PARVB: variants seen among roughly 807,000 people sequenced by gnomAD.
The protein encoded by PARVB is parvin beta, also known as beta-parvin.
PARVB carries 46 observed loss-of-function variants against 47.0 expected under a neutral mutation model. That is an observed-to-expected ratio of 0.98 (90% CI 0.77 to 1.25). The LOEUF (loss-of-function observed/expected upper bound fraction) is 1.25, where lower values mean the gene tolerates loss of function less well. PARVB is among the 50% of genes most tolerant of loss of function. PARVB has a pLI of 0.00. For missense variants in PARVB, 473 were observed against 471.6 expected, an observed-to-expected ratio of 1.00 and a Z score of -0.03; for synonymous variants, 196 against 196.3, an observed-to-expected ratio of 1.00 and a Z score of 0.01.
chr22:44,063,522 T>G (rs1410115167), intron 1 of PARVB, among the ~76,000 whole-genome samples: 2 of 152,166 alleles, frequency 1.3e-5, no homozygotes, highest in Non-Finnish European at 2.9e-5. Context: ...CCACCGCGCC[T>G]GGCCCAATAT....
intron 1 of PARVB, among the ~76,000 whole-genome samples, chr22:44,061,327 A>G (rs182609359): frequency 6.6e-6 from 1 of 152,182 alleles, no homozygotes; most frequent in African/African-American, 2.4e-5. Flanking sequence ...CCTATTCAGG[A>G]GGCTGAGGCT....
At chr22:44,066,554 G>A (rs914615801) in intron 1 of PARVB, among the ~76,000 whole-genome samples, 5 of 152,110 alleles carry the variant, frequency 3.3e-5, no homozygotes, top group African/African-American at 1.2e-4. Flanking sequence ...TCTCACCTTG[G>A]CACCCCAGGC....
chr22:44,086,733 A>G, intron 1 of PARVB: 1 of 985,276 alleles, frequency 1.0e-6, no homozygotes. Flanking sequence ...TTTTTAGAAA[A>G]ACTGCTCTGT....
At chr22:44,064,349 A>G (rs2051478322) in intron 1 of PARVB, among the ~76,000 whole-genome samples, 1 of 152,172 alleles carries the variant, frequency 6.6e-6, no homozygotes, top group South Asian at 2.1e-4. Flanking sequence ...GGTGGAGGCA[A>G]TGTTAGGAAA....
At chr22:44,031,440 CTTTTGTTTTG>C (rs900383270) in intron 1 of PARVB, 7 of 152,280 alleles carry the variant, frequency 4.6e-5, no homozygotes, top group Non-Finnish European at 7.3e-5. Flanking sequence ...TTTTTGTTTT[CTTTTGTTTTG>C]TTTTGTTTTC....
intron 4 of PARVB, among the ~76,000 whole-genome samples, chr22:44,130,693 C>T (rs1212680033): frequency 6.6e-6 from 1 of 152,204 alleles, no homozygotes; most frequent in African/African-American, 2.4e-5. Flanking sequence ...TCAGTCCTCT[C>T]CCTTTTGGGA....
intron 1 of PARVB, among the ~76,000 whole-genome samples, chr22:44,035,247 GC>G (rs1281172041): frequency 6.6e-6 from 1 of 152,094 alleles, no homozygotes; most frequent in Non-Finnish European, 1.5e-5. Context: ...TTTACAACAT[GC>G]GTTTACAAGA....
chr22:44,080,185 T>G (rs545506088), intron 1 of PARVB, among the ~76,000 whole-genome samples: 55 of 152,218 alleles, frequency 3.6e-4, no homozygotes, highest in Non-Finnish European at 6.8e-4. Context: ...GTTCCAGGCT[T>G]TTTGAAATTA....
At chr22:44,154,495 T>TGG (rs1481339207) in intron 10 of PARVB, among the ~76,000 whole-genome samples, 4 of 149,576 alleles carry the variant, frequency 2.7e-5, no homozygotes, top group African/African-American at 1.0e-4. Context: ...TGCAGTCTGT[T>TGG]GGGGGTGTGT....
At chr22:44,069,473 A>G (rs1486580688) in intron 1 of PARVB, among the ~76,000 whole-genome samples, 1 of 152,010 alleles carries the variant, frequency 6.6e-6, no homozygotes, top group South Asian at 2.1e-4. Context: ...ACATGCTGCA[A>G]TTAAGATTTT....
intron 1 of PARVB, among the ~76,000 whole-genome samples, chr22:44,077,316 G>T (rs1342841501): frequency 6.6e-6 from 1 of 152,136 alleles, no homozygotes; most frequent in Non-Finnish European, 1.5e-5. Context: ...CTTCACGTGG[G>T]CCTCCTTCTC....
intron 2 of PARVB, among the ~76,000 whole-genome samples, chr22:44,098,942 TGGGATTGTA>T (rs1268677579): frequency 6.6e-6 from 1 of 152,218 alleles, no homozygotes; most frequent in Non-Finnish European, 1.5e-5. Context: ...CCCAAAGTGC[TGGGATTGTA>T]GGCAGGAGCC....
intron 2 of PARVB, among the ~76,000 whole-genome samples, chr22:44,094,343 G>GGCCATGCCAT (rs976504271): frequency 6.6e-6 from 1 of 151,964 alleles, no homozygotes; most frequent in African/African-American, 2.4e-5. Context: ...GGCCACTCAG[G>GGCCATGCCAT]GCCATGCCAT....
At position 44,172,569 on chromosome 22, in the gene PARVB, CACACAGT is replaced by C. The variant is rs1195895004; in HGVS notation, c.*3892_*3898del. 1 of 174,304 alleles carries C rather than the reference CACACAGT, an allele frequency of 5.7e-6. No homozygotes were observed. Among genetic ancestry groups the C allele is most frequent in the East Asian group, 1.8e-4 (1 of 5,552 alleles). 10.8% of individuals were successfully genotyped at this position (174,304 alleles called of 1,614,324 possible). On this transcript the variant is annotated 3_prime_UTR_variant, in exon 13 of 13. Coordinates refer to ENST00000338758, the MANE Select transcript of PARVB (RefSeq NM_013327.5). ...GCAGCTTCAGTTCCCCTTTGACGCC[CACACAGT>C]GTTATGCAAGCACCGAGCCCAGAGT...
chr22:44,022,982 G>A (rs2050668844), upstream of PARVB, among the ~76,000 whole-genome samples: 1 of 151,770 alleles, frequency 6.6e-6, no homozygotes, highest in South Asian at 2.1e-4. Flanking sequence ...CTTGACCTCA[G>A]GTGATCTGCC....
At chr22:44,008,389 C>T (rs758543704) in intron 2 of PARVB, among the ~76,000 whole-genome samples, 26 of 152,068 alleles carry the variant, frequency 1.7e-4, no homozygotes, top group Non-Finnish European at 2.9e-5. Context: ...GGATTTCAGG[C>T]GTGAGCCACC....
At position 44,158,039 on chromosome 22, in the gene PARVB, C is replaced by G; in HGVS notation, c.901C>G (p.Pro301Ala). The part of the protein sequence containing the change: ...LMGLLEDYFV[P>A]LHHFYLTPES... ...GGGCCTTCTGGAAGACTACTTTGTT[C>G]CTCTCCACCACTTCTACCTGACTCC... The change falls in exon 11 of 13, where the codon CCT becomes GCT. Residue 301 changes from proline (P) to alanine (A), a missense_variant. Coordinates refer to ENST00000338758, the MANE Select transcript of PARVB (RefSeq NM_013327.5). 1.2e-6 allele frequency: 2 copies of G among 1,614,032 alleles called. No homozygotes were observed. Among genetic ancestry groups the G allele is most frequent in the Non-Finnish European group, 1.7e-6 (2 of 1,179,924 alleles).
rs2054247719 is a variant in PARVB at position 44,169,757 on chromosome 22, G to C, written c.*1079G>C. The C allele has an allele frequency of 6.7e-6, 1 of 150,004 alleles. No homozygotes were observed. Among genetic ancestry groups the C allele is most frequent in the South Asian group, 2.1e-4 (1 of 4,828 alleles). The allele number at this position is 150,004 out of a possible 1,614,324, so 9.3% of individuals were successfully genotyped here. ...AGTCTCGCTCTGTCACCAGGCTGGA[G>C]TGCAGTGGTGTGATCTCAGCTCACT... is the stretch of plus-strand genomic sequence containing the variant. On this transcript the variant is annotated 3_prime_UTR_variant, in exon 13 of 13. Transcript: ENST00000338758.
chr22:44,087,846 G>GT (rs57893038), intron 1 of PARVB, among the ~76,000 whole-genome samples: 2,130 of 121,226 alleles, frequency 0.018, 54 homozygotes, highest in African/African-American at 0.047. Context: ...GAACGATGGT[G>GT]TTTTTTTTTT....
Sources: gnomAD v4.1 joint callset for allele counts (sites outside exome capture counted in the v4.1 genomes callset) on GRCh38, gnomAD v4.1.1 for gene constraint, MANE v1.5 for transcripts, NCBI Gene and HGNC (gene_info 2026-07-23, HGNC 2026-07-21) for gene names.